ARHGAP6: variants seen among roughly 807,000 people sequenced by gnomAD.
The protein encoded by ARHGAP6 is Rho GTPase activating protein 6.
ARHGAP6 carries 16 observed loss-of-function variants against 55.7 expected under a neutral mutation model. The observed-to-expected ratio is 0.29, with a 90% CI of 0.19 to 0.44. The LOEUF is 0.44. Ranked by LOEUF, ARHGAP6 falls within the 20% of genes least tolerant of loss-of-function variation. The pLI, the probability that ARHGAP6 is intolerant of heterozygous loss-of-function variation, is 1.00. For missense variants in ARHGAP6, 698 were observed against 808.9 expected (o/e 0.86, Z 1.66); for synonymous variants, 382 against 360.9 (o/e 1.06, Z -0.66).
intron 1 of ARHGAP6, among the ~76,000 whole-genome samples, chrX:11,267,491 G>A (rs2047642395): frequency 8.9e-6 from 1 of 112,195 alleles, no homozygotes; most frequent in African/African-American, 3.2e-5. Flanking sequence ...ACCACTATGA[G>A]CTTACAAATT....
intron 10 of ARHGAP6, among the ~76,000 whole-genome samples, chrX:11,152,796 G>A (rs1395101832): frequency 2.7e-5 from 3 of 112,353 alleles, no homozygotes; most frequent in African/African-American, 6.5e-5. Context: ...GATATCCAAC[G>A]TGGTAGATCT....
At chrX:11,165,160 T>C (rs2046001724) in intron 9 of ARHGAP6, among the ~76,000 whole-genome samples, 1 of 111,523 alleles carries the variant, frequency 9.0e-6, no homozygotes. Context: ...ATTTTTTTTC[T>C]AGTAATACAG....
chrX:11,307,839 T>A (rs1330065147), intron 1 of ARHGAP6, among the ~76,000 whole-genome samples: 4 of 111,656 alleles, frequency 3.6e-5, no homozygotes, highest in Non-Finnish European at 7.5e-5. Flanking sequence ...TATCCAAAAA[T>A]CTGCAATCAC....
At chrX:11,233,644 A>T (rs748706985) in intron 2 of ARHGAP6, among the ~76,000 whole-genome samples, 2 of 112,100 alleles carry the variant, frequency 1.8e-5, no homozygotes, top group East Asian at 5.6e-4. Flanking sequence ...ATTAAAGCAT[A>T]ACGTTGCCAT....
chrX:11,501,831 G>A (rs1427468899), intron 1 of ARHGAP6, among the ~76,000 whole-genome samples: 1 of 111,629 alleles, frequency 9.0e-6, no homozygotes, highest in African/African-American at 3.3e-5. Flanking sequence ...TTTATGTTGA[G>A]TAGGTAGAGA....
rs190415649 is a variant in ARHGAP6 at position 11,277,895 on chromosome X, G to A, written c.589-23188C>T. Among the ~76,000 whole-genome samples, 3 of 111,608 alleles carry A rather than the reference G, an allele frequency of 2.7e-5. No homozygotes were observed. In the Admixed American group the frequency reaches 2.8e-4, roughly 11 times the overall value. ...TATTCTTGCCTATATCAGAAGAGAA[G>A]CTAAAAAGAATGCTACACAAAATAG... On this transcript the variant is annotated intron_variant, in intron 1 of 12. Transcript: ENST00000337414.
At chrX:11,281,411 A>T (rs767745010) in intron 1 of ARHGAP6, among the ~76,000 whole-genome samples, 2 of 109,367 alleles carry the variant, frequency 1.8e-5, no homozygotes, top group African/African-American at 3.3e-5. Flanking sequence ...AATCTACCAA[A>T]ATATATATAT....
intron 1 of ARHGAP6, among the ~76,000 whole-genome samples, chrX:11,651,479 T>C (rs1371817474): frequency 1.8e-5 from 2 of 112,187 alleles, no homozygotes; most frequent in Non-Finnish European, 3.8e-5. Flanking sequence ...CTCATTCTCT[T>C]TTATGACTGC....
chrX:11,427,604 C>T lies in ARHGAP6; in HGVS notation c.589-172897G>A, dbSNP rs1302001529. The T allele has an allele frequency of 6.7e-6, 6 of 890,509 alleles. No individual in the cohort carries two copies. The South Asian group carries it at 7.7e-5, about 11-fold the overall frequency. 73.4% of individuals were successfully genotyped at this position (890,509 alleles called of 1,213,427 possible). A position where few individuals can be genotyped will look rare whatever the true frequency, so the allele number is the denominator to read the frequency against. On this transcript the variant is annotated intron_variant, in intron 1 of 12. Coordinates refer to ENST00000337414, the MANE Select transcript of ARHGAP6 (RefSeq NM_013427.3). ...TACACCGGGTGCCCCATGTCGCCTC[C>T]GGGAGGAGTGGCGCGCCTTGGGCTC...
intron 1 of ARHGAP6, among the ~76,000 whole-genome samples, chrX:11,453,531 T>A (rs1256366538): frequency 1.8e-5 from 2 of 109,056 alleles, no homozygotes; most frequent in Admixed American, 2.0e-4. Flanking sequence ...AAAGAAGACA[T>A]TGTAAGCAAT....
intron 1 of ARHGAP6, among the ~76,000 whole-genome samples, chrX:11,432,818 C>T (rs188890669): frequency 4.1e-4 from 46 of 112,081 alleles, no homozygotes; most frequent in Admixed American, 1.0e-3. Context: ...CACCCACACG[C>T]ACAGACAGGA....
Position 11,549,483 on chromosome X carries a change from A to G in ARHGAP6, c.588+114758T>C, listed in dbSNP as rs183502554. ...AGACAATTCTCAAAAGAAGGAAAGC[A>G]GAATTTTTAGAAGCCCCAGGGGTGA... On this transcript the variant is annotated intron_variant, in intron 1 of 12. Coordinates refer to ENST00000337414, the MANE Select transcript of ARHGAP6 (RefSeq NM_013427.3). Among the ~76,000 whole-genome samples, 5 of 112,451 alleles carry G rather than the reference A, an allele frequency of 4.4e-5. No individual in the cohort carries two copies. In the Admixed American group the frequency reaches 4.7e-4, roughly 11 times the overall value.
rs138606091 is a variant in ARHGAP6, at chrX:11,500,960, G to A, written c.588+163281C>T. ...GCTGACATGAAACAGTCAACAGCGT[G>A]GTTGTTGGCAAGGTTTTGAAACCCT... On this transcript the variant is annotated intron_variant, in intron 1 of 12. Coordinates refer to ENST00000337414, the MANE Select transcript of ARHGAP6 (RefSeq NM_013427.3). 2.2e-4 allele frequency among the ~76,000 whole-genome samples: 24 copies of A among 110,443 alleles called. No individual in the cohort carries two copies. In the East Asian group the frequency reaches 5.4e-3, roughly 25 times the overall value.
intron 2 of ARHGAP6, among the ~76,000 whole-genome samples, chrX:11,214,941 G>A (rs2046858297): frequency 8.8e-6 from 1 of 113,430 alleles, no homozygotes; most frequent in African/African-American, 3.2e-5. Context: ...GAAGCACCGG[G>A]CTGCCCCAGG....
intron 2 of ARHGAP6, among the ~76,000 whole-genome samples, chrX:11,200,691 T>C (rs2046607217): frequency 8.9e-6 from 1 of 112,204 alleles, no homozygotes; most frequent in South Asian, 3.7e-4. Context: ...TCCTTCCAAG[T>C]GAATAGCCCA....
chrX:11,340,727 T>TCAA (rs1555993290), intron 1 of ARHGAP6, among the ~76,000 whole-genome samples: 1 of 96,708 alleles, frequency 1.0e-5, no homozygotes, highest in Non-Finnish European at 2.1e-5. Flanking sequence ...AGACTCCGTC[T>TCAA]AAAAAAAAAA....
intron 1 of ARHGAP6, among the ~76,000 whole-genome samples, chrX:11,463,575 A>C (rs779199660): frequency 1.5e-4 from 17 of 111,799 alleles, no homozygotes; most frequent in African/African-American, 5.5e-4. Context: ...TCCTGGACTC[A>C]AGAAATCCCT....
intron 1 of ARHGAP6, among the ~76,000 whole-genome samples, chrX:11,312,704 T>C (rs1012518292): frequency 1.8e-5 from 2 of 111,933 alleles, no homozygotes; most frequent in African/African-American, 6.5e-5. Flanking sequence ...ATGATTATTA[T>C]TATTATTAAA....
At chrX:11,562,611 T>C (rs1391126474) in intron 1 of ARHGAP6, among the ~76,000 whole-genome samples, 1 of 110,936 alleles carries the variant, frequency 9.0e-6, no homozygotes, top group Non-Finnish European at 1.9e-5. Flanking sequence ...AAGTTCCAAA[T>C]TCAGGAATTA....
Sources: allele counts gnomAD v4.1 joint callset (sites outside exome capture counted in the v4.1 genomes callset), GRCh38; gene constraint gnomAD v4.1.1; transcripts MANE v1.5; gene names NCBI Gene and HGNC (gene_info 2026-07-23, HGNC 2026-07-21).